The following XKR9 variants were observed in gnomAD, a reference collection of about 807,000 sequenced individuals.
The protein encoded by XKR9 is XK-related protein 9.
XKR9 carries 32 observed loss-of-function variants against 32.0 expected under a neutral mutation model. The ratio of observed to expected loss-of-function variants is 1.00; its 90% confidence interval spans 0.76 to 1.34. The LOEUF is 1.34. Ranked by LOEUF, XKR9 falls within the 40% of genes most tolerant of loss-of-function variation. The pLI is 0.00. For missense variants in XKR9, 546 were observed against 429.7 expected, an observed-to-expected ratio of 1.27 and a Z score of -2.39; for synonymous variants, 168 against 143.4, an observed-to-expected ratio of 1.17 and a Z score of -1.22.
the XKR9 span, among the ~76,000 whole-genome samples, chr8:70,882,174 T>A: frequency 6.6e-6 from 1 of 152,100 alleles, no homozygotes; most frequent in Admixed American, 6.6e-5. Flanking sequence ...GATGAGTTGA[T>A]GGGTGCAGCA....
At chr8:70,741,283 G>C (rs188893825) in intron 2 of XKR9, among the ~76,000 whole-genome samples, 1 of 152,158 alleles carries the variant, frequency 6.6e-6, no homozygotes, top group Non-Finnish European at 1.5e-5. Flanking sequence ...GAGGAAGAGA[G>C]ACCTGAGCTA....
At chr8:70,967,769 C>A in the XKR9 span, among the ~76,000 whole-genome samples, 6 of 151,956 alleles carry the variant, frequency 3.9e-5, no homozygotes, top group Non-Finnish European at 7.4e-5. Flanking sequence ...GGCTCCCAAT[C>A]TCTTCTGGCT....
chr8:70,707,262 A>G (rs1026761436), intron 4 of XKR9, 109 bp downstream of exon 4: 1 of 786,952 alleles, frequency 1.3e-6, no homozygotes, highest in Admixed American at 2.9e-5. Flanking sequence ...AAAATTATTT[A>G]TTCTTTTGAA....
chr8:70,701,780 C>T (rs1454817931), intron 3 of XKR9, among the ~76,000 whole-genome samples: 1 of 152,132 alleles, frequency 6.6e-6, no homozygotes, highest in Non-Finnish European at 1.5e-5. Context: ...ATGTGTGCCT[C>T]TTGCTACTAT....
chr8:70,734,214 A>G lies in XKR9; in HGVS notation c.912A>G (p.Val304=). 1 of 1,613,362 alleles carries G rather than the reference A, an allele frequency of 6.2e-7. No individual in the cohort carries two copies. The highest frequency in any genetic ancestry group is 8.5e-7 in the Non-Finnish European group (1 of 1,179,632). Residue 304 remains valine, a synonymous_variant, in exon 5 of 5, where the codon GTA becomes GTG. Coordinates refer to ENST00000408926, the MANE Select transcript of XKR9 (RefSeq NM_001011720.2). The part of the protein sequence containing the change: ...RVLGTLGILT[V]FWVCPLTIFN... ...TGGGCACTTTGGGGATATTGACTGT[A>G]TTCTGGGTTTGCCCCCTCACTATTT...
the XKR9 span, among the ~76,000 whole-genome samples, chr8:70,795,806 C>A: frequency 6.6e-6 from 1 of 151,586 alleles, no homozygotes; most frequent in Non-Finnish European, 1.5e-5. Context: ...CTGTTCATGC[C>A]CTTTGCCCAC....
the XKR9 span, among the ~76,000 whole-genome samples, chr8:70,895,230 G>A: frequency 6.6e-6 from 1 of 152,132 alleles, no homozygotes; most frequent in Non-Finnish European, 1.5e-5. Flanking sequence ...GGGTGGTGAA[G>A]GATCAGAATT....
At chr8:70,747,780 A>G (rs1807079081) in intron 2 of XKR9, among the ~76,000 whole-genome samples, 2 of 152,302 alleles carry the variant, frequency 1.3e-5, no homozygotes, top group Middle Eastern at 3.4e-3. Context: ...AGAAATTTTT[A>G]TTTAAAGTCC....
chr8:70,816,294 G>A, the XKR9 span, among the ~76,000 whole-genome samples: 2 of 152,112 alleles, frequency 1.3e-5, no homozygotes, highest in Non-Finnish European at 2.9e-5. Flanking sequence ...ACAGTAGCTG[G>A]GAAGTTAAAT....
chr8:70,826,777 A>T, the XKR9 span, among the ~76,000 whole-genome samples: 1 of 152,278 alleles, frequency 6.6e-6, no homozygotes, highest in East Asian at 1.9e-4. Context: ...GGTAACGATG[A>T]ACTCATTTTA....
the XKR9 span, among the ~76,000 whole-genome samples, chr8:70,803,845 T>C: frequency 6.6e-6 from 1 of 152,244 alleles, no homozygotes. Context: ...GACCAAGTGC[T>C]TCCTGGTAGA....
chr8:70,868,447 C>T, the XKR9 span, among the ~76,000 whole-genome samples: 2 of 152,158 alleles, frequency 1.3e-5, no homozygotes, highest in African/African-American at 4.8e-5. Context: ...GCAGTTTCAA[C>T]ACCAGGTGGA....
the XKR9 span, among the ~76,000 whole-genome samples, chr8:70,919,602 A>G: frequency 1.3e-5 from 2 of 152,092 alleles, no homozygotes; most frequent in Non-Finnish European, 2.9e-5. Context: ...ACTCCTCCTC[A>G]TCTTTCCCTT....
At chr8:70,685,786 A>G (rs6988746) in intron 3 of XKR9, among the ~76,000 whole-genome samples, 57,556 of 145,954 alleles carry the variant, frequency 0.39, 12,489 homozygotes, top group Non-Finnish European at 0.51. Context: ...CTAATGCTAA[A>G]TGATGAGTTA....
chr8:70,856,537 G>T, the XKR9 span, among the ~76,000 whole-genome samples: 1 of 151,856 alleles, frequency 6.6e-6, no homozygotes, highest in African/African-American at 2.4e-5. Flanking sequence ...GACTTTAACA[G>T]CCCACTGTCA....
chr8:70,707,541 G>T (rs1805763546), intron 4 of XKR9, among the ~76,000 whole-genome samples: 1 of 151,712 alleles, frequency 6.6e-6, no homozygotes, highest in African/African-American at 2.4e-5. Context: ...TTTATTATCT[G>T]CATAGTATTG....
chr8:70,718,652 C>T (rs1253388909), intron 4 of XKR9, among the ~76,000 whole-genome samples: 1 of 152,150 alleles, frequency 6.6e-6, no homozygotes, highest in African/African-American at 2.4e-5. Context: ...AACATGAACT[C>T]ATTCTTTTTT....
the XKR9 span, among the ~76,000 whole-genome samples, chr8:70,952,052 G>C: frequency 6.6e-6 from 1 of 151,868 alleles, no homozygotes; most frequent in Admixed American, 6.5e-5. Context: ...TTAAGGTCAG[G>C]TGTAGAGAAT....
downstream of XKR9, among the ~76,000 whole-genome samples, chr8:70,794,232 A>G (rs1220211389): frequency 6.6e-6 from 1 of 152,026 alleles, no homozygotes; most frequent in Non-Finnish European, 1.5e-5. Flanking sequence ...GAACTCATTT[A>G]TTAGTTCTAA....
Sources: gnomAD v4.1 joint callset for allele counts (sites outside exome capture counted in the v4.1 genomes callset) on GRCh38, gnomAD v4.1.1 for gene constraint, MANE v1.5 for transcripts, NCBI Gene and HGNC (gene_info 2026-07-23, HGNC 2026-07-21) for gene names.